The following SPON2 variants were observed in gnomAD, a reference collection of about 807,000 sequenced individuals.
SPON2 encodes the protein spondin-2.
SPON2 carries 32 observed loss-of-function variants against 29.9 expected under a neutral mutation model. That is an observed-to-expected ratio of 1.07 (90% CI 0.81 to 1.44). The LOEUF (loss-of-function observed/expected upper bound fraction) is 1.44, where lower values mean the gene tolerates loss of function less well. Among genes scored for constraint, SPON2 ranks in the 40% most tolerant of loss-of-function variants. The probability of loss-of-function intolerance (pLI) is 0.00; values close to 1 mark genes in which losing one functional copy is unlikely to be tolerated. For synonymous variants in SPON2, 248 were observed against 209.1 expected, an observed-to-expected ratio of 1.19 and a Z score of -1.61; for missense variants, 541 against 455.5, an observed-to-expected ratio of 1.19 and a Z score of -1.71.
intron 2 of SPON2, 71 bp downstream of exon 2, chr4:1,171,781 C>T: frequency 9.5e-7 from 1 of 1,054,596 alleles, no homozygotes; most frequent in Non-Finnish European, 1.5e-6. Flanking sequence ...CGCCGCCGTG[C>T]AGCTGTGCGG....
At chr4:1,203,738 T>TC (rs1468596568) in intron 1 of SPON2, among the ~76,000 whole-genome samples, 2 of 152,178 alleles carry the variant, frequency 1.3e-5, no homozygotes, top group African/African-American at 4.8e-5. Context: ...GTTCCAGCCA[T>TC]CCCAGTGGGT....
At chr4:1,195,131 T>TCCAACCCCG (rs1728035393) in exon 1 of SPON2, 1 of 146,908 alleles carries the variant, frequency 6.8e-6, no homozygotes, top group African/African-American at 2.5e-5. Context: ...AGCCGGCGGC[T>TCCAACCCCG]CAGGGCTCAG....
chr4:1,168,408 C>T (rs78821115), intron 5 of SPON2, among the ~76,000 whole-genome samples: 1,694 of 152,320 alleles, frequency 0.011, 15 homozygotes, highest in Non-Finnish European at 0.018. Flanking sequence ...ACCCTGCTGC[C>T]AGCTTTGTGG....
upstream of SPON2, among the ~76,000 whole-genome samples, chr4:1,196,307 C>G (rs896160821): frequency 6.6e-6 from 1 of 152,226 alleles, no homozygotes; most frequent in Non-Finnish European, 1.5e-5. Flanking sequence ...GGTGACTGTG[C>G]CTCTCTGAGC....
At chr4:1,193,492 C>CA (rs1727956945) in intron 1 of SPON2, among the ~76,000 whole-genome samples, 8 of 150,312 alleles carry the variant, frequency 5.3e-5, no homozygotes, top group African/African-American at 2.0e-4. Flanking sequence ...TGAGTCCTTT[C>CA]TCCAGGAGGG....
chr4:1,204,083 G>C (rs1371497944), intron 1 of SPON2, among the ~76,000 whole-genome samples: 2 of 152,144 alleles, frequency 1.3e-5, no homozygotes, highest in African/African-American at 4.8e-5. Context: ...CGTTGGCCAG[G>C]CTGGTCTCAA....
At chr4:1,168,287 C>CTG (rs2153076472) in intron 5 of SPON2, 1 of 152,410 alleles carries the variant, frequency 6.6e-6, no homozygotes, top group Non-Finnish European at 1.5e-5. Flanking sequence ...GTTTCTCTGG[C>CTG]TGTGTGGCCC....
chr4:1,170,550 C>G lies in SPON2; in HGVS notation c.663G>C (p.Pro221=). ...TEITSSSPSH[P]ANSFYYPRLK... Reference sequence around the variant, plus strand: ...GCCGCGGGTAGTAGAAGGAGTTGGCCGGGTGGCTGGGAGAGGAGGACGTTA... The same window carrying G: ...GCCGCGGGTAGTAGAAGGAGTTGGCGGGGTGGCTGGGAGAGGAGGACGTTA... Residue 221 remains proline (P), a synonymous_variant, in exon 5 of 6, where the codon CCG becomes CCC. Coordinates refer to ENST00000290902, the MANE Select transcript of SPON2 (RefSeq NM_012445.4). The G allele has an allele frequency of 1.2e-6, 2 of 1,613,564 alleles. No individual in the cohort carries two copies. The highest frequency in any genetic ancestry group is 2.2e-5 in the East Asian group (1 of 44,862).
At chr4:1,190,558 C>T (rs111604605) in intron 1 of SPON2, among the ~76,000 whole-genome samples, 13 of 152,138 alleles carry the variant, frequency 8.5e-5, no homozygotes, top group African/African-American at 2.4e-4. Flanking sequence ...TAAACTTAAT[C>T]CAGCAACATT....
Position 1,171,032 on chromosome 4 carries a change from G to T in SPON2, c.603C>A (p.Asn201Lys). The T allele has an allele frequency of 6.5e-7, 1 of 1,548,924 alleles. No individual in the cohort carries two copies. The highest frequency in any genetic ancestry group is 8.7e-7 in the Non-Finnish European group (1 of 1,145,840). The change falls in exon 4 of 6, where the codon AAC becomes AAA. Residue 201 changes from asparagine (N) to lysine (K), a missense_variant. Asn to Lys is a moderately conservative substitution (Grantham distance 94, BLOSUM62 0). Transcript: ENST00000290902. The part of the protein sequence containing the change: ...TDSGFTFSSP[N>K]FATIPQDTVT... Reference sequence around the variant, plus strand: ...CCGTGTCCTGCGGGATGGTGGCGAAGTTGGGGGAGGAGAAGGTGAAGCCGC... The same window carrying T: ...CCGTGTCCTGCGGGATGGTGGCGAATTTGGGGGAGGAGAAGGTGAAGCCGC...
intron 1 of SPON2, among the ~76,000 whole-genome samples, chr4:1,193,484 AGT>A (rs1727956716): frequency 5.3e-5 from 8 of 150,100 alleles, no homozygotes; most frequent in African/African-American, 2.0e-4. Context: ...GTGGGGACTG[AGT>A]CCTTTCTCCA....
At chr4:1,196,551 T>G (rs1400012996), upstream of SPON2, among the ~76,000 whole-genome samples, 1 of 152,140 alleles carries the variant, frequency 6.6e-6, no homozygotes, top group Non-Finnish European at 1.5e-5. Flanking sequence ...GCCACTGCAG[T>G]GACCAGGGTT....
intron 1 of SPON2, among the ~76,000 whole-genome samples, chr4:1,179,978 G>GA (rs61014409): frequency 0.011 from 1,592 of 144,792 alleles, 17 homozygotes; most frequent in Non-Finnish European, 0.015. Flanking sequence ...TAGACAAACT[G>GA]AAAAAAAAAA....
chr4:1,178,495 C>A (rs1162697295), intron 2 of SPON2, among the ~76,000 whole-genome samples: 1 of 152,090 alleles, frequency 6.6e-6, no homozygotes, highest in African/African-American at 2.4e-5. Flanking sequence ...CTCTTCAGCA[C>A]CCGCTGACTT....
At chr4:1,181,186 C>T (rs55752278) in intron 1 of SPON2, among the ~76,000 whole-genome samples, 1 of 152,092 alleles carries the variant, frequency 6.6e-6, no homozygotes, top group Non-Finnish European at 1.5e-5. Flanking sequence ...TAGGTTAACA[C>T]CTGACTTTTT....
chr4:1,206,440 G>T (rs1419070560), intron 1 of SPON2, among the ~76,000 whole-genome samples: 2 of 152,260 alleles, frequency 1.3e-5, no homozygotes, highest in African/African-American at 4.8e-5. Flanking sequence ...AGGTTGTGGG[G>T]CCAGAGGGCC....
At chr4:1,170,666 C>G in intron 4 of SPON2, 90 bp from the exon 5 acceptor site, 3 of 1,415,586 alleles carry the variant, frequency 2.1e-6, no homozygotes, top group Non-Finnish European at 2.9e-6. Context: ...TGCCCAGCGT[C>G]CAGCGTGCCC....
chr4:1,185,858 A>G (rs1293789639), intron 1 of SPON2, among the ~76,000 whole-genome samples: 1 of 152,170 alleles, frequency 6.6e-6, no homozygotes, highest in Non-Finnish European at 1.5e-5. Context: ...AGATTTTACA[A>G]TGATTTATTG....
Position 1,171,513 on chromosome 4 carries a change from G to A in SPON2, c.221-27C>T, listed in dbSNP as rs1273756816. 1.9e-6 allele frequency: 3 copies of A among 1,601,168 alleles called. No homozygotes were observed. In the African/African-American group the frequency reaches 4.0e-5, roughly 21 times the overall value. On this transcript the variant is annotated intron_variant, in intron 2 of 5. Coordinates refer to ENST00000290902, the MANE Select transcript of SPON2 (RefSeq NM_012445.4). ...TGCAGGACCACCCGGCCGCGCCGCG[G>A]ACCATGGTCAGACACTGCGGTCGGG...
Sources: gnomAD v4.1 joint callset for allele counts (sites outside exome capture counted in the v4.1 genomes callset) on GRCh38, gnomAD v4.1.1 for gene constraint, MANE v1.5 for transcripts, NCBI Gene and HGNC (gene_info 2026-07-23, HGNC 2026-07-21) for gene names.